The following CSMD2 variants were observed in gnomAD, a reference collection of about 807,000 sequenced individuals.
CSMD2 encodes the protein CUB and sushi domain-containing protein 2.
Under a neutral mutation model 398.5 loss-of-function variants are expected in CSMD2, and 130 were observed. The observed-to-expected ratio is 0.33, with a 90% CI of 0.28 to 0.38. CSMD2 has a LOEUF of 0.38. CSMD2 is among the 10% of genes least tolerant of loss of function. CSMD2 has a pLI of 1.00. For synonymous variants in CSMD2, 1,828 were observed against 1,908.5 expected (o/e 0.96, Z 1.10); for missense variants, 3,829 against 4,764.9 (o/e 0.80, Z 5.78).
At chr1:33,948,023 A>C (rs1644891456) in intron 3 of CSMD2, among the ~76,000 whole-genome samples, 1 of 152,182 alleles carries the variant, frequency 6.6e-6, no homozygotes, top group African/African-American at 2.4e-5. Flanking sequence ...GTGAAGGAAG[A>C]GTTGGTGAGT....
At chr1:33,613,936 AAAAAC>A (rs756275004) in intron 40 of CSMD2, among the ~76,000 whole-genome samples, 1 of 152,182 alleles carries the variant, frequency 6.6e-6, no homozygotes, top group Non-Finnish European at 1.5e-5. Context: ...CTCCAGCTCC[AAAAAC>A]AAAACAAAAC....
At chr1:33,665,458 CTCT>C (rs1471035322) in intron 25 of CSMD2, among the ~76,000 whole-genome samples, 6 of 122,182 alleles carry the variant, frequency 4.9e-5, no homozygotes, top group East Asian at 2.4e-4. Flanking sequence ...TCTTTCTTCT[CTCT>C]TTTTTTTTTT....
At chr1:33,783,438 TC>T (rs1653069834) in intron 12 of CSMD2, among the ~76,000 whole-genome samples, 1 of 28,752 alleles carries the variant, frequency 3.5e-5, no homozygotes, top group African/African-American at 8.2e-5. Flanking sequence ...TCATTCTCTC[TC>T]TCTCTCTCTC....
chr1:33,630,394 T>C (rs1173179959), intron 32 of CSMD2, among the ~76,000 whole-genome samples: 1 of 152,200 alleles, frequency 6.6e-6, no homozygotes, highest in East Asian at 1.9e-4. Context: ...TTGAGTAAGA[T>C]TGATTTAATG....
chr1:34,044,375 G>A (rs571388312), intron 2 of CSMD2, among the ~76,000 whole-genome samples: 1 of 152,236 alleles, frequency 6.6e-6, no homozygotes, highest in African/African-American at 2.4e-5. Flanking sequence ...GGCTGGAATA[G>A]ATTATGTAAC....
Position 33,624,569 on chromosome 1 carries a change from T to C in CSMD2, c.5575A>G (p.Ser1859Gly), listed in dbSNP as rs752909037. The C allele has an allele frequency of 6.2e-7, 1 of 1,614,028 alleles. No homozygotes were observed. Among genetic ancestry groups the C allele is most frequent in the East Asian group, 2.2e-5 (1 of 44,870 alleles). The change falls in exon 35 of 71, where the codon AGC (serine) becomes GGC (glycine). Residue 1859 changes from serine to glycine, a missense_variant. Ser to Gly is a moderately conservative substitution (Grantham distance 56). Transcript: ENST00000373381. The surrounding 1 kb of genome is among the most constrained non-coding windows in gnomAD (Gnocchi z 4.7). The part of the protein sequence containing the change: ...SPGFPEPYLN[S>G]LNCVWKIVVP... ...ACGATCTTCCACACACAGTTGAGGC[T>C]GTTGAGGTACGGCTCTGGGAAGCCA...
At chr1:34,009,272 T>C (rs913282112) in intron 3 of CSMD2, among the ~76,000 whole-genome samples, 1 of 151,370 alleles carries the variant, frequency 6.6e-6, no homozygotes, top group Non-Finnish European at 1.5e-5. Context: ...CATTTTAATG[T>C]CCTATAAGAG....
intron 2 of CSMD2, among the ~76,000 whole-genome samples, chr1:34,067,190 T>C (rs1053280103): frequency 6.6e-6 from 1 of 152,186 alleles, no homozygotes; most frequent in African/African-American, 2.4e-5. Context: ...GAGGGAAAAC[T>C]ATTGAGAAAT....
intron 22 of CSMD2, 65 bp downstream of exon 22, chr1:33,709,024 G>T: frequency 7.3e-7 from 1 of 1,362,902 alleles, no homozygotes; most frequent in Non-Finnish European, 1.0e-6. Context: ...CAGAGACAAA[G>T]GAGTGAGTAT....
rs369518162 is a variant in CSMD2 at position 33,583,860 on chromosome 1, C to T, written c.7052-30G>A. ...GAGAAAGAAAGAGAAACACCAAGTA[C>T]GTGGGGGTGGAGATGGAACTACGGC... On this transcript the variant is annotated intron_variant, in intron 46 of 70. Coordinates refer to ENST00000373381, the MANE Select transcript of CSMD2 (RefSeq NM_001281956.2). 112 of 1,597,524 alleles carry T rather than the reference C, an allele frequency of 7.0e-5. 1 individual carries two copies. The East Asian group carries it at 8.1e-4, about 11-fold the overall frequency.
rs200016154 is a variant in CSMD2 at position 33,692,917 on chromosome 1, C to T, written c.4052+13G>A. The T allele has an allele frequency of 4.8e-5, 77 of 1,608,748 alleles. 1 individual carries two copies. The East Asian group carries it at 1.5e-3, about 32-fold the overall frequency. ...CAACTGGCGATAGTTACTTTGTCAG[C>T]CCTGACACTTACCCAATGGTGCAGC... On this transcript the variant is annotated intron_variant, in intron 25 of 70. Coordinates refer to ENST00000373381, the MANE Select transcript of CSMD2 (RefSeq NM_001281956.2).
At chr1:33,748,046 T>C (rs539293633) in intron 13 of CSMD2, among the ~76,000 whole-genome samples, 1 of 152,336 alleles carries the variant, frequency 6.6e-6, no homozygotes, top group African/African-American at 2.4e-5. Flanking sequence ...AGGCATTTCT[T>C]ATTATACCTG....
At chr1:33,869,249 C>T (rs1011881690) in intron 5 of CSMD2, 3 of 152,182 alleles carry the variant, frequency 2.0e-5, no homozygotes, top group African/African-American at 7.2e-5. Flanking sequence ...ACCCCTCTGC[C>T]CCTCTAAAGG....
chr1:33,666,139 A>T (rs1644308766), intron 25 of CSMD2, among the ~76,000 whole-genome samples: 1 of 152,162 alleles, frequency 6.6e-6, no homozygotes. Context: ...GGTACCAGGA[A>T]CGTAGCTACT....
At chr1:33,552,721 C>T (rs1451094015) in intron 55 of CSMD2, among the ~76,000 whole-genome samples, 1 of 151,860 alleles carries the variant, frequency 6.6e-6, no homozygotes, top group African/African-American at 2.4e-5. Flanking sequence ...ATGAAATGTC[C>T]AGAATAGGTA....
chr1:33,653,102 T>A (rs1384601225), intron 27 of CSMD2, among the ~76,000 whole-genome samples: 1 of 152,198 alleles, frequency 6.6e-6, no homozygotes, highest in Non-Finnish European at 1.5e-5. Context: ...ACTTCCTAGC[T>A]GTGTGAACTC....
At chr1:33,568,189 C>CTTTTTTTTT (rs370507143) in intron 52 of CSMD2, among the ~76,000 whole-genome samples, 2 of 141,336 alleles carry the variant, frequency 1.4e-5, no homozygotes, top group African/African-American at 2.6e-5. Flanking sequence ...TCAGGAGCAT[C>CTTTTTTTTT]TTTTTTTTTT....
intron 4 of CSMD2, among the ~76,000 whole-genome samples, chr1:33,934,006 T>C (rs1054950663): frequency 1.3e-5 from 2 of 152,162 alleles, no homozygotes; most frequent in African/African-American, 2.4e-5. Flanking sequence ...ATTAATTATG[T>C]CTGCCATGGG....
At position 33,724,615 on chromosome 1, in the gene CSMD2, C is replaced by T; in HGVS notation, c.2785G>A (p.Val929Met). The T allele has an allele frequency of 6.2e-7, 1 of 1,614,172 alleles. No homozygotes were observed. The highest frequency in any genetic ancestry group is 1.6e-4 in the Middle Eastern group (1 of 6,062). Residue 929 changes from valine (V) to methionine (M), a missense_variant, in exon 18 of 71, where the codon GTG becomes ATG. By Grantham distance (21) the Val-to-Met change is conservative. Transcript: ENST00000373381. ...TAGCCCGAGTCACAGCTGAAGGTCA[C>T]CAGCGCGCCCACGTAGAAGTCATTC... is the stretch of plus-strand genomic sequence containing the variant. Reference protein sequence around the residue: ...HGNDFYVGALVTFSCDSGYTL... With the variant: ...HGNDFYVGALMTFSCDSGYTL...
Sources: gnomAD v4.1 joint callset for allele counts (sites outside exome capture counted in the v4.1 genomes callset) on GRCh38, gnomAD v4.1.1 for gene constraint, Gnocchi (gnomAD v3.1) non-coding constraint, MANE v1.5 for transcripts, NCBI Gene and HGNC (gene_info 2026-07-23, HGNC 2026-07-21) for gene names.